Variants in DNAAF10 observed in about 807,000 individuals in gnomAD.
DNAAF10 encodes WD repeat domain 92.
DNAAF10 carries 28 observed loss-of-function variants against 43.7 expected under a neutral mutation model. The ratio of observed to expected loss-of-function variants is 0.64; its 90% CI spans 0.48 to 0.88. DNAAF10 has a LOEUF of 0.88. Ranked by LOEUF, DNAAF10 falls within the 40% of genes least tolerant of loss-of-function variation. The pLI, the probability that DNAAF10 is intolerant of heterozygous loss-of-function variation, is 0.00. For missense variants in DNAAF10, 403 were observed against 439.1 expected (o/e 0.92, Z 0.73); for synonymous variants, 156 against 157.3 (o/e 0.99, Z 0.06).
intron 2 of DNAAF10, among the ~76,000 whole-genome samples, chr2:68,146,240 C>A (rs970552283): frequency 6.6e-6 from 1 of 152,124 alleles, no homozygotes; most frequent in African/African-American, 2.4e-5. Flanking sequence ...CCAGCCTAGG[C>A]AACAGAGCGA....
intron 7 of DNAAF10, chr2:68,134,049 G>T: frequency 1.2e-6 from 1 of 823,396 alleles, no homozygotes; most frequent in Non-Finnish European, 1.5e-6. Context: ...AGTACATATT[G>T]CTTAGCTAAT....
intron 5 of DNAAF10, 35 bp from the exon 6 acceptor site, chr2:68,137,468 A>G: frequency 6.3e-7 from 1 of 1,584,520 alleles, no homozygotes; most frequent in Non-Finnish European, 8.6e-7. Context: ...TGGTAGTCTC[A>G]CCAGTATTAC....
At chr2:68,157,182 G>C (rs1396686587) in intron 1 of DNAAF10, 79 bp downstream of exon 1, 1 of 1,514,170 alleles carries the variant, frequency 6.6e-7, no homozygotes, top group African/African-American at 1.4e-5. Context: ...CTGGGCGAAG[G>C]CTCTGGCAAA....
intron 7 of DNAAF10, 184 bp downstream of exon 7, chr2:68,134,518 T>G: frequency 6.9e-7 from 1 of 1,438,900 alleles, no homozygotes; most frequent in Non-Finnish European, 9.1e-7. Context: ...GTGTACACTC[T>G]ACTAAGTGTA....
chr2:68,147,398 G>T, intron 2 of DNAAF10, 69 bp downstream of exon 2: 3 of 1,156,954 alleles, frequency 2.6e-6, no homozygotes, highest in Non-Finnish European at 3.8e-6. Flanking sequence ...CTCTTTCAGA[G>T]AAAGAGTAAT....
intron 5 of DNAAF10, 97 bp from the exon 6 acceptor site, chr2:68,137,530 G>T: frequency 8.7e-7 from 1 of 1,143,062 alleles, no homozygotes; most frequent in Non-Finnish European, 1.2e-6. Context: ...GTCAGATAAT[G>T]TGAAAGCACT....
intron 1 of DNAAF10, among the ~76,000 whole-genome samples, chr2:68,154,315 C>G (rs1039979441): frequency 1.3e-5 from 2 of 152,152 alleles, no homozygotes; most frequent in African/African-American, 4.8e-5. Flanking sequence ...GGCGCGATCT[C>G]GGCTCACTGC....
In DNAAF10 at chr2:68,131,463, A is replaced by G. The variant is rs1477525220; in HGVS notation, c.867-18T>C. Reference sequence around the variant, plus strand: ...GGTATTCACTGAAAACAAGATCAAAATGGTAAGAGCGCATAAATCTTAGCT... The same window carrying G: ...GGTATTCACTGAAAACAAGATCAAAGTGGTAAGAGCGCATAAATCTTAGCT... On this transcript the variant is annotated intron_variant, in intron 7 of 7. Transcript: ENST00000295121. The G allele has an allele frequency of 6.3e-7, 1 of 1,597,586 alleles. No homozygotes were observed. Among genetic ancestry groups the G allele is most frequent in the South Asian group, 1.1e-5 (1 of 90,722 alleles).
In DNAAF10 at chr2:68,147,468, A is replaced by G. The variant is rs967798914; in HGVS notation, c.283T>C (p.Trp95Arg). Residue 95 changes from tryptophan to arginine, a missense_variant and splice_region_variant, in exon 2 of 8, where the codon TGG becomes CGG. Transcript: ENST00000295121. ...TGAATACTGACTAAATCATCTTACCATATATGAAGGTTTCCACCAAAATCT... is the reference window on the plus strand; with the variant it reads ...TGAATACTGACTAAATCATCTTACCGTATATGAAGGTTTCCACCAAAATCT... The part of the protein sequence containing the change: ...TGDFGGNLHI[W>R]NLEAPEMPVY... 11 of 1,608,396 alleles carry G rather than the reference A, an allele frequency of 6.8e-6. No individual in the cohort carries two copies. Among genetic ancestry groups the G allele is most frequent in the Non-Finnish European group, 8.5e-6 (10 of 1,176,400 alleles).
At chr2:68,148,672 C>T (rs1293814196) in intron 1 of DNAAF10, among the ~76,000 whole-genome samples, 1 of 152,220 alleles carries the variant, frequency 6.6e-6, no homozygotes, top group African/African-American at 2.4e-5. Context: ...TCCCACATCA[C>T]ACTCTTGCCA....
chr2:68,139,272 T>TCTTG (rs1469879876), intron 4 of DNAAF10, among the ~76,000 whole-genome samples: 1 of 152,132 alleles, frequency 6.6e-6, no homozygotes, highest in Non-Finnish European at 1.5e-5. Context: ...CTCCCCTCTC[T>TCTTG]CTTGCTCCCT....
At chr2:68,156,480 A>G (rs1558614896) in intron 1 of DNAAF10, among the ~76,000 whole-genome samples, 2 of 152,232 alleles carry the variant, frequency 1.3e-5, no homozygotes, top group Admixed American at 6.5e-5. Context: ...TACTATCATT[A>G]TTCTCTAATT....
intron 3 of DNAAF10, 44 bp from the exon 4 acceptor site, chr2:68,141,839 GATT>G (rs772717243): frequency 6.7e-7 from 1 of 1,490,632 alleles, no homozygotes; most frequent in South Asian, 1.1e-5. Flanking sequence ...AAAAGTAAAT[GATT>G]ATGTTTCTTT....
At position 68,141,772 on chromosome 2, in the gene DNAAF10, T is replaced by C. The variant is rs1324164669; in HGVS notation, c.439A>G (p.Arg147Gly). The change falls in exon 4 of 8, where the codon AGG becomes GGG. Residue 147 changes from arginine (R) to glycine (G), a missense_variant. By Grantham distance (125) the Arg-to-Gly change is moderately radical. Coordinates refer to ENST00000295121, the MANE Select transcript of DNAAF10 (RefSeq NM_138458.4). ...TTAGCAACAGGATCATCTTTTTGCC[T>C]TGGGTCCCACACCTTCACAGTTCCT... The part of the protein sequence containing the change: ...RDGTVKVWDP[R>G]QKDDPVANME... 3 of 1,614,060 alleles carry C rather than the reference T, an allele frequency of 1.9e-6. No homozygotes were observed. Among genetic ancestry groups the C allele is most frequent in the Admixed American group, 1.7e-5 (1 of 60,006 alleles).
At chr2:68,144,143 C>CTA (rs770887535) in intron 3 of DNAAF10, among the ~76,000 whole-genome samples, 12 of 152,146 alleles carry the variant, frequency 7.9e-5, no homozygotes, top group Non-Finnish European at 1.6e-4. Flanking sequence ...TTGGAACTCT[C>CTA]TATAATGCTT....
intron 1 of DNAAF10, among the ~76,000 whole-genome samples, chr2:68,150,208 T>G (rs547848984): frequency 1.1e-4 from 17 of 152,274 alleles, no homozygotes; most frequent in Non-Finnish European, 2.4e-4. Flanking sequence ...AAGCAAAAAC[T>G]TTCCTCCCTG....
chr2:68,157,194 AG>A, intron 1 of DNAAF10, 66 bp downstream of exon 1: 1 of 1,537,890 alleles, frequency 6.5e-7, no homozygotes, highest in Non-Finnish European at 8.7e-7. Flanking sequence ...TCTGGCAAAG[AG>A]GAATGCAGAC....
intron 1 of DNAAF10, among the ~76,000 whole-genome samples, chr2:68,154,945 T>A (rs114143904): frequency 0.013 from 2,047 of 152,048 alleles, 42 homozygotes; most frequent in African/African-American, 0.046. Flanking sequence ...GTATTTTTTT[T>A]ATACAAAAAG....
At chr2:68,138,001 C>CG (rs1231573219) in intron 5 of DNAAF10, among the ~76,000 whole-genome samples, 4 of 151,040 alleles carry the variant, frequency 2.6e-5, no homozygotes, top group Non-Finnish European at 2.9e-5. Context: ...GATGAAACCC[C>CG]GTCTCTACTA....
Sources: gnomAD v4.1 joint callset for allele counts (sites outside exome capture counted in the v4.1 genomes callset) on GRCh38, gnomAD v4.1.1 for gene constraint, MANE v1.5 for transcripts, NCBI Gene and HGNC (gene_info 2026-07-23, HGNC 2026-07-21) for gene names.